The following GLIS3 variants were observed in gnomAD, a reference collection of about 807,000 sequenced individuals.
The protein encoded by GLIS3 is GLIS family zinc finger 3, also known as zinc finger protein GLIS3.
Under a neutral mutation model 78.6 loss-of-function variants are expected in GLIS3, and 53 were observed. That is an observed-to-expected ratio of 0.67 (90% CI 0.54 to 0.85). GLIS3 has a LOEUF of 0.85. Ranked by LOEUF, GLIS3 falls within the 40% of genes least tolerant of loss-of-function variation. The pLI is 0.00. For synonymous variants in GLIS3, 684 were observed against 509.9 expected (o/e 1.34, Z -4.60); for missense variants, 1,703 against 1,231.1 (o/e 1.38, Z -5.74).
intron 9 of GLIS3, 130 bp downstream of exon 9, chr9:3,855,879 G>A (rs1819749407): frequency 3.0e-6 from 3 of 997,286 alleles, no homozygotes; most frequent in Non-Finnish European, 4.8e-6. Flanking sequence ...TGAAATTTTA[G>A]AGGCAAGTCA....
intron 4 of GLIS3, among the ~76,000 whole-genome samples, chr9:4,030,367 T>A (rs1368345819): frequency 6.6e-6 from 1 of 152,228 alleles, no homozygotes; most frequent in Non-Finnish European, 1.5e-5. Flanking sequence ...AAATGGGTAG[T>A]TTGAAAATAT....
At chr9:4,383,974 A>G in the GLIS3 span, among the ~76,000 whole-genome samples, 4 of 152,232 alleles carry the variant, frequency 2.6e-5, no homozygotes, top group African/African-American at 9.6e-5. Flanking sequence ...ACAGCCTTAA[A>G]TATCCATGGA....
chr9:4,398,527 T>A, the GLIS3 span, among the ~76,000 whole-genome samples: 2 of 151,966 alleles, frequency 1.3e-5, no homozygotes, highest in African/African-American at 2.4e-5. Context: ...GAACATTGCC[T>A]CCTTCTTCTT....
chr9:4,146,734 A>G (rs1056465293), intron 2 of GLIS3, among the ~76,000 whole-genome samples: 1 of 152,210 alleles, frequency 6.6e-6, no homozygotes, highest in Non-Finnish European at 1.5e-5. Context: ...CCTATTCTCC[A>G]TCCTAAATAT....
At chr9:3,980,850 C>T (rs1819212504) in intron 4 of GLIS3, among the ~76,000 whole-genome samples, 1 of 152,040 alleles carries the variant, frequency 6.6e-6, no homozygotes, top group Admixed American at 6.6e-5. Flanking sequence ...TGCTTGCTTC[C>T]CTACTTCCAG....
Position 4,275,601 on chromosome 9 carries a change from A to C in GLIS3, c.388+10437T>G, listed in dbSNP as rs114673007. ...ACAACAAGATCCCATCTCTACAAAA[A>C]TTAAAAAAAAAAAAAGCCAGGTGTG... is the stretch of plus-strand genomic sequence containing the variant. On this transcript the variant is annotated intron_variant, in intron 2 of 10. Transcript: ENST00000381971. Among the ~76,000 whole-genome samples, 994 of 133,770 alleles carry C rather than the reference A, an allele frequency of 7.4e-3. 13 individuals carry two copies. The highest frequency in any genetic ancestry group is 0.026 in the African/African-American group (935 of 36,010). The allele number at this position is 133,770 out of a possible 152,430, so 87.8% of individuals were successfully genotyped here.
intron 4 of GLIS3, among the ~76,000 whole-genome samples, chr9:4,034,166 C>A (rs1372702340): frequency 3.3e-5 from 5 of 152,006 alleles, no homozygotes; most frequent in African/African-American, 1.2e-4. Context: ...GAGGTCAAGT[C>A]TCAGTGATCA....
At chr9:4,013,794 G>C (rs376496230) in intron 4 of GLIS3, among the ~76,000 whole-genome samples, 3 of 152,202 alleles carry the variant, frequency 2.0e-5, no homozygotes, top group Non-Finnish European at 4.4e-5. Context: ...TCACAGGCAG[G>C]CTAGGTAGGA....
intron 2 of GLIS3, among the ~76,000 whole-genome samples, chr9:4,163,632 G>A (rs981921233): frequency 3.3e-5 from 5 of 152,294 alleles, no homozygotes; most frequent in Admixed American, 6.5e-5. Flanking sequence ...CACATTCTAG[G>A]CCCATTGCTT....
intron 4 of GLIS3, among the ~76,000 whole-genome samples, chr9:4,040,375 T>C (rs1320948583): frequency 6.6e-6 from 1 of 152,204 alleles, no homozygotes; most frequent in Non-Finnish European, 1.5e-5. Flanking sequence ...TAATTCATTG[T>C]TTGAAAATGG....
chr9:4,219,463 T>C (rs183084474), intron 2 of GLIS3, among the ~76,000 whole-genome samples: 14 of 152,354 alleles, frequency 9.2e-5, no homozygotes, highest in Admixed American at 3.9e-4. Context: ...ATGTCACTGT[T>C]TCCTATGCAC....
At chr9:4,301,451 G>A (rs1169374667), upstream of GLIS3, among the ~76,000 whole-genome samples, 3 of 152,228 alleles carry the variant, frequency 2.0e-5, no homozygotes, top group Non-Finnish European at 2.9e-5. Context: ...AAATTGCCAT[G>A]ACTATTCCAT....
chr9:4,184,185 C>A (rs1409821931), intron 2 of GLIS3, among the ~76,000 whole-genome samples: 1 of 152,118 alleles, frequency 6.6e-6, no homozygotes, highest in Non-Finnish European at 1.5e-5. Context: ...TTACAGCCAA[C>A]TCTTGATTAT....
intron 8 of GLIS3, among the ~76,000 whole-genome samples, chr9:3,875,198 C>A (rs1370416671): frequency 6.6e-6 from 1 of 152,142 alleles, no homozygotes; most frequent in African/African-American, 2.4e-5. Context: ...ATTCAACATG[C>A]CATAGTAAAA....
At chr9:4,388,120 A>C in the GLIS3 span, among the ~76,000 whole-genome samples, 7 of 152,230 alleles carry the variant, frequency 4.6e-5, no homozygotes, top group Non-Finnish European at 1.0e-4. Context: ...TATCTATCAA[A>C]GTATAAGGTT....
At chr9:4,427,629 C>A in the GLIS3 span, among the ~76,000 whole-genome samples, 1 of 152,086 alleles carries the variant, frequency 6.6e-6, no homozygotes, top group Admixed American at 6.6e-5. Flanking sequence ...GAGGCTGAGG[C>A]AGGGGGATCA....
intron 2 of GLIS3, among the ~76,000 whole-genome samples, chr9:4,127,092 G>A (rs953258329): frequency 1.3e-5 from 2 of 152,072 alleles, no homozygotes; most frequent in African/African-American, 2.4e-5. Context: ...ACAAGACATT[G>A]GAGCAGTCAC....
the GLIS3 span, among the ~76,000 whole-genome samples, chr9:4,454,298 A>T: frequency 6.6e-6 from 1 of 152,108 alleles, no homozygotes; most frequent in Non-Finnish European, 1.5e-5. Context: ...AGCCACCACA[A>T]CTGGCCACCA....
rs552290308 is a variant in GLIS3 at position 4,332,123 on chromosome 9, G to T, written n.264+14958C>A. Among the ~76,000 whole-genome samples, 3 of 152,228 alleles carry T rather than the reference G, an allele frequency of 2.0e-5. No homozygotes were observed. In the South Asian group the frequency reaches 6.2e-4, roughly 32 times the overall value. ...TTCCCATCCCATCACTAACTATTCT[G>T]GTTGAAGTTCTGCAAATCCATTCCA... On this transcript the variant is annotated intron_variant and non_coding_transcript_variant, in intron 2 of 4. Transcript: ENST00000471664.
Sources: gnomAD v4.1 joint callset for allele counts (sites outside exome capture counted in the v4.1 genomes callset) on GRCh38, gnomAD v4.1.1 for gene constraint, MANE v1.5 for transcripts, NCBI Gene and HGNC (gene_info 2026-07-23, HGNC 2026-07-21) for gene names.